The following LGR5 variants were observed in gnomAD, a reference collection of about 807,000 sequenced individuals.
The protein encoded by LGR5 is leucine-rich repeat-containing G protein-coupled receptor 5.
Under a neutral mutation model 76.7 loss-of-function variants are expected in LGR5, and 54 were observed. That is an observed-to-expected ratio of 0.70 (90% CI 0.57 to 0.88). The LOEUF (loss-of-function observed/expected upper bound fraction) is 0.88, where lower values mean the gene tolerates loss of function less well. Ranked by LOEUF, LGR5 falls within the 40% of genes least tolerant of loss-of-function variation. The probability of loss-of-function intolerance (pLI) is 0.00; values close to 1 mark genes in which losing one functional copy is unlikely to be tolerated. For missense variants in LGR5, 1,078 were observed against 1,073.3 expected (o/e 1.00, Z -0.06); for synonymous variants, 406 against 421.9 (o/e 0.96, Z 0.46).
intron 4 of LGR5, among the ~76,000 whole-genome samples, chr12:71,552,275 A>G (rs2137408912): frequency 6.6e-6 from 1 of 152,124 alleles, no homozygotes; most frequent in Non-Finnish European, 1.5e-5. Flanking sequence ...ATTAAAAAAA[A>G]ATTACTCGGC....
At chr12:71,482,706 A>G (rs1050172691) in intron 1 of LGR5, among the ~76,000 whole-genome samples, 1 of 152,150 alleles carries the variant, frequency 6.6e-6, no homozygotes, top group African/African-American at 2.4e-5. Context: ...TAAACCCCCC[A>G]CAATCTACAG....
intron 1 of LGR5, among the ~76,000 whole-genome samples, chr12:71,501,272 A>G (rs1018980871): frequency 1.3e-5 from 2 of 152,256 alleles, no homozygotes; most frequent in African/African-American, 4.8e-5. Flanking sequence ...GATATTTTGC[A>G]TAAATTAGAA....
upstream of LGR5, chr12:71,439,784 C>G (rs1272896994): frequency 5.1e-6 from 2 of 394,012 alleles, no homozygotes; most frequent in African/African-American, 2.1e-5. Context: ...AACGAGCGTG[C>G]AAGCAGAGAT....
At chr12:71,547,054 C>T (rs1177805213) in intron 4 of LGR5, among the ~76,000 whole-genome samples, 1 of 152,152 alleles carries the variant, frequency 6.6e-6, no homozygotes, top group East Asian at 1.9e-4. Flanking sequence ...CTCAAGCCCT[C>T]CCTCCAGAGA....
intron 3 of LGR5, among the ~76,000 whole-genome samples, chr12:71,533,242 G>A (rs1876416357): frequency 6.6e-6 from 1 of 152,150 alleles, no homozygotes. Context: ...CTACTCGGGA[G>A]GCTGAGGCAA....
chr12:71,487,300 G>T (rs918921429), intron 1 of LGR5, among the ~76,000 whole-genome samples: 1 of 152,166 alleles, frequency 6.6e-6, no homozygotes. Flanking sequence ...TTTCAAACAT[G>T]TCTCAAATAT....
chr12:71,542,939 T>TA lies in LGR5; in HGVS notation c.428+7755dup, dbSNP rs531220020. On this transcript the variant is annotated intron_variant, in intron 4 of 17. Coordinates refer to ENST00000266674, the MANE Select transcript of LGR5 (RefSeq NM_003667.4). ...TTCCTCTTCACCTAACACTTCATTA[T>TA]AATGATTGATTTGTCTGACTACCCT... Among the ~76,000 whole-genome samples, 12 of 152,320 alleles carry TA rather than the reference T, an allele frequency of 7.9e-5. No homozygotes were observed. The South Asian group carries it at 2.5e-3, about 32-fold the overall frequency.
At chr12:71,582,768 A>C (rs1879147109) in intron 17 of LGR5, among the ~76,000 whole-genome samples, 1 of 152,190 alleles carries the variant, frequency 6.6e-6, no homozygotes, top group African/African-American at 2.4e-5. Flanking sequence ...AATGTAAACG[A>C]AAGAATCAAG....
chr12:71,486,865 T>G (rs11178827), intron 1 of LGR5, among the ~76,000 whole-genome samples: 2,801 of 152,202 alleles, frequency 0.018, 96 homozygotes, highest in African/African-American at 0.064. Context: ...AGAATGGAAT[T>G]TGAAAACGCC....
intron 1 of LGR5, among the ~76,000 whole-genome samples, chr12:71,503,976 C>A (rs1226623251): frequency 1.3e-5 from 2 of 152,168 alleles, no homozygotes; most frequent in African/African-American, 4.8e-5. Flanking sequence ...TTGTTGTTTC[C>A]TGTGCCAGGA....
chr12:71,542,154 C>T (rs1012206362), intron 4 of LGR5, among the ~76,000 whole-genome samples: 2 of 152,180 alleles, frequency 1.3e-5, no homozygotes, highest in African/African-American at 4.8e-5. Context: ...GAAACTGTCT[C>T]CACTTTTCTG....
At chr12:71,495,440 A>G (rs912878667) in intron 1 of LGR5, among the ~76,000 whole-genome samples, 1 of 151,400 alleles carries the variant, frequency 6.6e-6, no homozygotes, top group African/African-American at 2.5e-5. Context: ...AGTTTAGCTT[A>G]TATCTGCAGT....
In LGR5 at chr12:71,541,907, T is replaced by A. The variant is rs73144337; in HGVS notation, c.428+6721T>A. Among the ~76,000 whole-genome samples, 168 of 152,216 alleles carry A rather than the reference T, an allele frequency of 1.1e-3. 1 individual carries two copies. The highest frequency in any genetic ancestry group is 1.9e-3 in the Non-Finnish European group (129 of 68,012). On this transcript the variant is annotated intron_variant, in intron 4 of 17. Transcript: ENST00000266674. ...ACATTATCTTACCTCCCTCAGAGAA[T>A]CCTCTGCAGAAAATGGGCACTGATG...
chr12:71,574,413 C>T (rs899674083), intron 13 of LGR5, among the ~76,000 whole-genome samples: 10 of 151,468 alleles, frequency 6.6e-5, no homozygotes, highest in African/African-American at 2.4e-4. Flanking sequence ...CCCCTGTGAC[C>T]TCACATTCAG....
intron 6 of LGR5, among the ~76,000 whole-genome samples, chr12:71,558,025 ATTC>A (rs1274079539): frequency 3.3e-5 from 5 of 152,176 alleles, no homozygotes; most frequent in African/African-American, 1.2e-4. Flanking sequence ...TGTTGGTGGT[ATTC>A]TTCTAGCCTA....
chr12:71,562,725 T>C (rs1043345488), intron 8 of LGR5, among the ~76,000 whole-genome samples: 1 of 152,114 alleles, frequency 6.6e-6, no homozygotes, highest in Non-Finnish European at 1.5e-5. Context: ...CCATCAAACC[T>C]GAGGTTGTGA....
intron 1 of LGR5, among the ~76,000 whole-genome samples, chr12:71,450,380 A>T (rs910375760): frequency 6.6e-6 from 1 of 152,222 alleles, no homozygotes; most frequent in South Asian, 2.1e-4. Context: ...TTACCTAAAA[A>T]TCTGCAGAGC....
At chr12:71,553,899 TG>T (rs1351054314) in intron 5 of LGR5, among the ~76,000 whole-genome samples, 2 of 152,184 alleles carry the variant, frequency 1.3e-5, no homozygotes, top group Non-Finnish European at 2.9e-5. Context: ...GAGGCCAGCC[TG>T]GTCAACATGG....
At position 71,478,142 on chromosome 12, in the gene LGR5, C is replaced by T. The variant is rs535430634; in HGVS notation, c.213-26472C>T. 5.1e-4 allele frequency among the ~76,000 whole-genome samples: 78 copies of T among 152,188 alleles called. 1 individual carries two copies. The highest frequency in any genetic ancestry group is 1.7e-3 in the African/African-American group (72 of 41,536). Reference sequence around the variant, plus strand: ...GATTATATATGTAGTCAGACTTGTTCTAAAAAGACTTTAAATTTTATACTT... The same window carrying T: ...GATTATATATGTAGTCAGACTTGTTTTAAAAAGACTTTAAATTTTATACTT... On this transcript the variant is annotated intron_variant, in intron 1 of 17. Transcript: ENST00000266674.
Sources: allele counts gnomAD v4.1 joint callset (sites outside exome capture counted in the v4.1 genomes callset), GRCh38; gene constraint gnomAD v4.1.1; transcripts MANE v1.5; gene names NCBI Gene and HGNC (gene_info 2026-07-23, HGNC 2026-07-21).